ANO4: variants seen among roughly 807,000 people sequenced by gnomAD.
ANO4 encodes the protein anoctamin-4.
A neutral mutation model predicts 141.9 loss-of-function variants in ANO4; 69 were observed. The observed-to-expected ratio is 0.49, with a 90% confidence interval of 0.40 to 0.59. The LOEUF (loss-of-function observed/expected upper bound fraction) is 0.59, where lower values mean the gene tolerates loss of function less well. Ranked by LOEUF, ANO4 falls within the 20% of genes least tolerant of loss-of-function variation. The pLI, the probability that ANO4 is intolerant of heterozygous loss-of-function variation, is 0.00. For missense variants in ANO4, 894 were observed against 1,162.2 expected (o/e 0.77, Z 3.36); for synonymous variants, 350 against 394.3 (o/e 0.89, Z 1.33).
At chr12:100,813,256 A>G (rs1458841565) in intron 1 of ANO4, among the ~76,000 whole-genome samples, 1 of 152,174 alleles carries the variant, frequency 6.6e-6, no homozygotes, top group Non-Finnish European at 1.5e-5. Flanking sequence ...AGCCAGGATT[A>G]TGCATAGAAA....
In ANO4 at chr12:101,096,536, A is replaced by T; in HGVS notation, c.1739A>T (p.Glu580Val). 1 of 1,612,584 alleles carries T rather than the reference A, an allele frequency of 6.2e-7. No individual in the cohort carries two copies. Among genetic ancestry groups the T allele is most frequent in the Non-Finnish European group, 8.5e-7 (1 of 1,178,760 alleles). Reference protein sequence around the residue: ...EKVALLLTNLEQPRTESEWEN... With the variant: ...EKVALLLTNLVQPRTESEWEN... ...AACTCTGCTCACCTTTTGTCCACAG[A>T]ACAGCCTCGCACAGAGTCTGAGTGG... is the stretch of plus-strand genomic sequence containing the variant. The change falls in exon 19 of 28, where the codon GAA becomes GTA. Residue 580 changes from glutamate (E) to valine (V), a missense_variant and splice_region_variant. Around this residue, in one of 2 missense-constraint regions of ANO4, gnomAD observed 637 missense variants for 909.2 expected, o/e 0.70. Transcript: ENST00000392977.
chr12:100,962,262 A>G (rs781733609), intron 5 of ANO4, among the ~76,000 whole-genome samples: 2 of 152,204 alleles, frequency 1.3e-5, no homozygotes, highest in Admixed American at 6.5e-5. Context: ...ATGTTCATAA[A>G]TTCATTTAGG....
At chr12:100,900,799 C>G (rs1007190921) in intron 1 of ANO4, among the ~76,000 whole-genome samples, 1 of 152,104 alleles carries the variant, frequency 6.6e-6, no homozygotes, top group African/African-American at 2.4e-5. Context: ...AGAATTTTCC[C>G]TCATCAACTA....
At chr12:100,981,818 T>C (rs931115285) in intron 7 of ANO4, among the ~76,000 whole-genome samples, 1 of 152,160 alleles carries the variant, frequency 6.6e-6, no homozygotes, top group Non-Finnish European at 1.5e-5. Context: ...CAGGTTAGCA[T>C]GTTGGGAGCA....
chr12:100,931,799 T>A (rs1023908442), intron 3 of ANO4, among the ~76,000 whole-genome samples: 7 of 152,252 alleles, frequency 4.6e-5, no homozygotes, highest in African/African-American at 1.7e-4. Context: ...TAGCTTTTAT[T>A]TATCTTAAAA....
At chr12:100,977,174 T>A (rs1425472093) in intron 7 of ANO4, among the ~76,000 whole-genome samples, 1 of 152,162 alleles carries the variant, frequency 6.6e-6, no homozygotes, top group African/African-American at 2.4e-5. Flanking sequence ...ATGTAATAAT[T>A]AATAATTACA....
chr12:100,950,468 T>G (rs930524611), intron 5 of ANO4, among the ~76,000 whole-genome samples: 1 of 152,202 alleles, frequency 6.6e-6, no homozygotes, highest in Non-Finnish European at 1.5e-5. Flanking sequence ...TCCACACTTG[T>G]GGTGGCTTTT....
intron 3 of ANO4, among the ~76,000 whole-genome samples, chr12:100,788,862 A>G (rs1279268770): frequency 6.6e-6 from 1 of 151,994 alleles, no homozygotes; most frequent in Non-Finnish European, 1.5e-5. Context: ...GATAAATGTA[A>G]TGAGAAAAAA....
intron 1 of ANO4, among the ~76,000 whole-genome samples, chr12:100,898,870 C>T (rs984940658): frequency 2.0e-5 from 3 of 152,154 alleles, no homozygotes; most frequent in South Asian, 2.1e-4. Context: ...AATGTCTCTC[C>T]CCTTCCCTTC....
intron 1 of ANO4, among the ~76,000 whole-genome samples, chr12:100,812,138 A>G (rs561121100): frequency 2.0e-5 from 3 of 152,290 alleles, no homozygotes; most frequent in South Asian, 2.1e-4. Flanking sequence ...AACTATTAAC[A>G]CTTAGCTCAG....
At chr12:101,027,792 C>A (rs551754976) in intron 9 of ANO4, among the ~76,000 whole-genome samples, 1 of 152,116 alleles carries the variant, frequency 6.6e-6, no homozygotes, top group African/African-American at 2.4e-5. Context: ...TGCCACCCAG[C>A]AAGGCACACT....
chr12:100,844,142 G>A (rs867521423), intron 1 of ANO4, among the ~76,000 whole-genome samples: 77 of 152,070 alleles, frequency 5.1e-4, no homozygotes, highest in African/African-American at 1.7e-3. Context: ...TTAGATTTAA[G>A]CAAGAGAATA....
chr12:101,071,107 T>C (rs777431024), intron 14 of ANO4, among the ~76,000 whole-genome samples: 1 of 152,180 alleles, frequency 6.6e-6, no homozygotes, highest in Non-Finnish European at 1.5e-5. Context: ...AAGAAAAGTT[T>C]CGAGGTTCCT....
chr12:100,818,609 G>C (rs1011658006), intron 1 of ANO4, among the ~76,000 whole-genome samples: 1 of 151,918 alleles, frequency 6.6e-6, no homozygotes, highest in Non-Finnish European at 1.5e-5. Flanking sequence ...ACTGTTGAGA[G>C]AACAGTCTAA....
intron 26 of ANO4, among the ~76,000 whole-genome samples, chr12:101,124,053 A>G (rs2137071795): frequency 6.6e-6 from 1 of 152,334 alleles, no homozygotes; most frequent in Non-Finnish European, 1.5e-5. Context: ...ACTGTCTTCC[A>G]CAATGGTTGA....
At chr12:100,886,535 C>T (rs1050037372) in intron 1 of ANO4, among the ~76,000 whole-genome samples, 2 of 152,072 alleles carry the variant, frequency 1.3e-5, no homozygotes, top group Non-Finnish European at 2.9e-5. Flanking sequence ...TATGAGAAAT[C>T]TACCCAGCAA....
chr12:101,006,491 G>T (rs2045877176), intron 8 of ANO4, among the ~76,000 whole-genome samples: 1 of 152,246 alleles, frequency 6.6e-6, no homozygotes, highest in Admixed American at 6.5e-5. Flanking sequence ...CAAAACACTT[G>T]CACATGTGCA....
intron 3 of ANO4, among the ~76,000 whole-genome samples, chr12:100,777,607 A>G (rs1339248295): frequency 6.6e-6 from 1 of 152,234 alleles, no homozygotes; most frequent in Non-Finnish European, 1.5e-5. Flanking sequence ...TCTAAGTTTT[A>G]TATGGGAAAA....
intron 1 of ANO4, among the ~76,000 whole-genome samples, chr12:100,731,064 G>A (rs2031360627): frequency 6.6e-6 from 1 of 152,156 alleles, no homozygotes; most frequent in Non-Finnish European, 1.5e-5. Flanking sequence ...CACCTACAAA[G>A]CCATCTTCTC....
Sources: gnomAD v4.1 joint callset for allele counts (sites outside exome capture counted in the v4.1 genomes callset) on GRCh38, gnomAD v4.1.1 for gene constraint, gnomAD v4.1.1 regional missense constraint, MANE v1.5 for transcripts, NCBI Gene and HGNC (gene_info 2026-07-23, HGNC 2026-07-21) for gene names.